ERBB4: variants seen among roughly 807,000 people sequenced by gnomAD.
ERBB4 encodes the protein erb-b2 receptor tyrosine kinase 4.
Under a neutral mutation model 158.0 loss-of-function variants are expected in ERBB4, and 42 were observed. The ratio of observed to expected loss-of-function variants is 0.27; its 90% CI spans 0.21 to 0.34. ERBB4 has a LOEUF of 0.34. Among genes scored for constraint, ERBB4 ranks in the 10% least tolerant of loss-of-function variants. The pLI, the probability that ERBB4 is intolerant of heterozygous loss-of-function variation, is 1.00. For synonymous variants in ERBB4, 583 were observed against 558.7 expected (o/e 1.04, Z -0.61); for missense variants, 1,333 against 1,624.1 (o/e 0.82, Z 3.08).
At chr2:211,632,432 C>A (rs1168750754) in intron 16 of ERBB4, among the ~76,000 whole-genome samples, 2 of 151,960 alleles carry the variant, frequency 1.3e-5, no homozygotes, top group African/African-American at 4.8e-5. Flanking sequence ...TTTTTTATCG[C>A]AAAATATTTA....
At chr2:212,273,900 C>T (rs543036132) in intron 1 of ERBB4, among the ~76,000 whole-genome samples, 20 of 151,760 alleles carry the variant, frequency 1.3e-4, no homozygotes, top group East Asian at 7.8e-4. Context: ...CTTTGAACAA[C>T]GTAGGAGTTA....
chr2:212,181,290 C>A (rs944916116), intron 1 of ERBB4, among the ~76,000 whole-genome samples: 1 of 151,610 alleles, frequency 6.6e-6, no homozygotes, highest in African/African-American at 2.4e-5. Flanking sequence ...ATAGCCATCA[C>A]AGAGATTTTT....
At position 211,995,092 on chromosome 2, in the gene ERBB4, C is replaced by T. The variant is rs997027742; in HGVS notation, c.235-47476G>A. Among the ~76,000 whole-genome samples, 5 of 152,142 alleles carry T rather than the reference C, an allele frequency of 3.3e-5. No homozygotes were observed. The East Asian group carries it at 7.7e-4, about 23-fold the overall frequency. Reference sequence around the variant, plus strand: ...TGAGTGGGGAGGATGCCCAGAGTCACGTCTCTTAGACACATCTGCCAAGAG... The same window carrying T: ...TGAGTGGGGAGGATGCCCAGAGTCATGTCTCTTAGACACATCTGCCAAGAG... On this transcript the variant is annotated intron_variant, in intron 2 of 27. Transcript: ENST00000342788.
chr2:211,790,390 T>C (rs1332845481), intron 3 of ERBB4, among the ~76,000 whole-genome samples: 1 of 152,026 alleles, frequency 6.6e-6, no homozygotes, highest in Non-Finnish European at 1.5e-5. Flanking sequence ...AGTCACATTG[T>C]ATTTCAAATA....
At chr2:211,499,407 C>T (rs111495027) in intron 20 of ERBB4, among the ~76,000 whole-genome samples, 3,145 of 152,004 alleles carry the variant, frequency 0.021, 115 homozygotes, top group African/African-American at 0.07. Context: ...CCTGTCGTTC[C>T]AGCTACTCGA....
Position 211,580,053 on chromosome 2 carries a change from G to A in ERBB4, c.2302-17965C>T, listed in dbSNP as rs951382469. On this transcript the variant is annotated intron_variant, in intron 19 of 27. Coordinates refer to ENST00000342788, the MANE Select transcript of ERBB4 (RefSeq NM_005235.3). ...AACCAGAAACGTGAATACCCACAAC[G>A]GACCCTTAATTGGAAACTGTTGGTG... 2.9e-4 allele frequency among the ~76,000 whole-genome samples: 44 copies of A among 152,158 alleles called. 1 individual carries two copies. Among genetic ancestry groups the A allele is most frequent in the Admixed American group, 1.6e-3 (24 of 15,266 alleles).
chr2:211,794,730 A>G (rs1309205121), intron 3 of ERBB4, among the ~76,000 whole-genome samples: 3 of 151,878 alleles, frequency 2.0e-5, no homozygotes, highest in African/African-American at 7.2e-5. Flanking sequence ...AAAAAATTAA[A>G]ACTATATTTT....
At chr2:212,438,079 T>C (rs1174523327) in intron 1 of ERBB4, among the ~76,000 whole-genome samples, 2 of 152,078 alleles carry the variant, frequency 1.3e-5, no homozygotes, top group Non-Finnish European at 2.9e-5. Flanking sequence ...AGCCCTATGG[T>C]GGCTGCTTTG....
At chr2:212,510,911 C>T (rs1426489721) in intron 1 of ERBB4, among the ~76,000 whole-genome samples, 3 of 151,962 alleles carry the variant, frequency 2.0e-5, no homozygotes, top group Non-Finnish European at 2.9e-5. Context: ...CCAGGAATGT[C>T]CAACGACATT....
At chr2:211,560,262 C>CT (rs769707072) in intron 20 of ERBB4, among the ~76,000 whole-genome samples, 4,531 of 46,260 alleles carry the variant, frequency 0.098, 1,833 homozygotes, top group Non-Finnish European at 0.15. Flanking sequence ...TGAAGCTTAG[C>CT]TTTTTTTTTT....
intron 2 of ERBB4, among the ~76,000 whole-genome samples, chr2:211,955,605 G>A (rs1451333075): frequency 6.6e-6 from 1 of 152,072 alleles, no homozygotes; most frequent in Non-Finnish European, 1.5e-5. Flanking sequence ...TAAACAAACT[G>A]CAAACTAACT....
intron 20 of ERBB4, among the ~76,000 whole-genome samples, chr2:211,509,464 T>C (rs990203248): frequency 1.4e-4 from 22 of 152,092 alleles, no homozygotes; most frequent in African/African-American, 5.3e-4. Flanking sequence ...ATTAAAAATT[T>C]AAATGTAAGA....
At chr2:211,967,042 G>T (rs1352847440) in intron 2 of ERBB4, among the ~76,000 whole-genome samples, 2 of 152,056 alleles carry the variant, frequency 1.3e-5, no homozygotes, top group Admixed American at 6.6e-5. Context: ...ATGGGCTGAA[G>T]ATCCCATTTA....
chr2:212,011,320 G>A (rs2076380965), intron 2 of ERBB4, among the ~76,000 whole-genome samples: 1 of 152,118 alleles, frequency 6.6e-6, no homozygotes, highest in Non-Finnish European at 1.5e-5. Flanking sequence ...AGGACTAAAT[G>A]AATTTAAAAT....
intron 20 of ERBB4, among the ~76,000 whole-genome samples, chr2:211,522,855 T>C (rs1243580701): frequency 6.6e-6 from 1 of 152,092 alleles, no homozygotes; most frequent in Non-Finnish European, 1.5e-5. Flanking sequence ...AGTATAAACA[T>C]AACTTTTGTA....
At chr2:212,333,253 T>G (rs1023273510) in intron 1 of ERBB4, among the ~76,000 whole-genome samples, 1 of 151,906 alleles carries the variant, frequency 6.6e-6, no homozygotes, top group Admixed American at 6.6e-5. Context: ...ATGTTTGGAG[T>G]CCCAGTTGAT....
At chr2:212,283,610 T>C (rs2085843319) in intron 1 of ERBB4, among the ~76,000 whole-genome samples, 1 of 151,998 alleles carries the variant, frequency 6.6e-6, no homozygotes, top group African/African-American at 2.4e-5. Context: ...AAATGATTCA[T>C]GCAATGCTAG....
Position 211,383,306 on chromosome 2 carries a change from G to A in ERBB4, c.*309C>T. 3.3e-6 allele frequency: 1 copy of A among 302,300 alleles called. No homozygotes were observed. Among genetic ancestry groups the A allele is most frequent in the African/African-American group, 2.2e-5 (1 of 46,368 alleles). 18.7% of individuals were successfully genotyped at this position (302,300 alleles called of 1,614,324 possible). A position where few individuals can be genotyped will look rare whatever the true frequency, so the allele number is the denominator to read the frequency against. ...AGAAAGAAAAAGAAAAAGAAAAAAA[G>A]TGACAGCTAGTTTGATAGTAGGCAG... On this transcript the variant is annotated 3_prime_UTR_variant, in exon 28 of 28. Transcript: ENST00000342788.
intron 15 of ERBB4, among the ~76,000 whole-genome samples, chr2:211,659,497 T>A (rs1476582818): frequency 6.6e-6 from 1 of 152,142 alleles, no homozygotes; most frequent in Admixed American, 6.5e-5. Flanking sequence ...AAGTTCCTGC[T>A]CTATCTTCTT....
Sources: allele counts gnomAD v4.1 joint callset (sites outside exome capture counted in the v4.1 genomes callset), GRCh38; gene constraint gnomAD v4.1.1; transcripts MANE v1.5; gene names NCBI Gene and HGNC (gene_info 2026-07-23, HGNC 2026-07-21).